CALN1: variants seen among roughly 807,000 people sequenced by gnomAD.
CALN1 encodes the protein calcium-binding protein 8.
A neutral mutation model predicts 30.6 loss-of-function variants in CALN1; 17 were observed. The ratio of observed to expected loss-of-function variants is 0.56; its 90% CI spans 0.38 to 0.83. The LOEUF is 0.83. Ranked by LOEUF, CALN1 falls within the 40% of genes least tolerant of loss-of-function variation. The pLI, the probability that CALN1 is intolerant of heterozygous loss-of-function variation, is 0.00. For synonymous variants in CALN1, 156 were observed against 131.4 expected (o/e 1.19, Z -1.28); for missense variants, 291 against 354.9 (o/e 0.82, Z 1.45).
chr7:72,062,651 T>C (rs1474155713), intron 4 of CALN1, among the ~76,000 whole-genome samples: 1 of 152,168 alleles, frequency 6.6e-6, no homozygotes, highest in Middle Eastern at 3.4e-3. Flanking sequence ...TGTTCTATGG[T>C]TGAAAACAAA....
At chr7:72,156,923 T>C (rs565187758) in intron 3 of CALN1, among the ~76,000 whole-genome samples, 1 of 152,178 alleles carries the variant, frequency 6.6e-6, no homozygotes, top group Non-Finnish European at 1.5e-5. Flanking sequence ...TGAGTGGTGA[T>C]GCTGAGTGTT....
At chr7:72,368,620 T>C (rs1019385858) in intron 2 of CALN1, among the ~76,000 whole-genome samples, 15 of 151,988 alleles carry the variant, frequency 9.9e-5, no homozygotes, top group African/African-American at 3.6e-4. Context: ...AGATATGAGC[T>C]ACAAAACCAT....
chr7:72,406,807 G>A (rs988094591), intron 1 of CALN1, among the ~76,000 whole-genome samples: 2 of 151,930 alleles, frequency 1.3e-5, no homozygotes, highest in Middle Eastern at 3.2e-3. Flanking sequence ...AGTAGAGACG[G>A]GTTTCACCAT....
intron 3 of CALN1, among the ~76,000 whole-genome samples, chr7:72,177,317 A>G (rs1231845404): frequency 6.6e-6 from 1 of 152,194 alleles, no homozygotes; most frequent in Non-Finnish European, 1.5e-5. Flanking sequence ...GTAAACAGAA[A>G]TAAGACATCC....
intron 5 of CALN1, among the ~76,000 whole-genome samples, chr7:71,994,266 C>G (rs1212237037): frequency 6.6e-6 from 1 of 152,130 alleles, no homozygotes; most frequent in African/African-American, 2.4e-5. Flanking sequence ...AATCCCAGCA[C>G]TTTGGGAGAC....
chr7:72,285,379 G>A (rs372527170), intron 2 of CALN1, among the ~76,000 whole-genome samples: 12 of 152,100 alleles, frequency 7.9e-5, no homozygotes, highest in African/African-American at 2.9e-4. Context: ...AAGTAGCTGG[G>A]ATTACAGGCG....
chr7:71,810,953 C>T (rs980504835), intron 5 of CALN1, among the ~76,000 whole-genome samples: 54 of 148,378 alleles, frequency 3.6e-4, no homozygotes, highest in Admixed American at 1.3e-3. Flanking sequence ...TGGAGTGCAG[C>T]GGCGAGATCT....
At chr7:72,333,821 C>G (rs960778472) in intron 2 of CALN1, among the ~76,000 whole-genome samples, 31 of 152,260 alleles carry the variant, frequency 2.0e-4, no homozygotes, top group East Asian at 1.9e-4. Flanking sequence ...TGCACAGACA[C>G]AGCTCCTCCT....
At chr7:71,900,057 A>G (rs1000059567) in intron 5 of CALN1, among the ~76,000 whole-genome samples, 1 of 152,232 alleles carries the variant, frequency 6.6e-6, no homozygotes, top group South Asian at 2.1e-4. Context: ...TAAATTTTTT[A>G]AACTTTATCA....
chr7:72,129,448 T>C (rs548846318), intron 3 of CALN1, among the ~76,000 whole-genome samples: 33 of 152,252 alleles, frequency 2.2e-4, no homozygotes, highest in African/African-American at 7.9e-4. Flanking sequence ...GGTGTGTGTG[T>C]GCGTTATAGA....
chr7:72,055,541 T>C (rs552518766), intron 4 of CALN1, among the ~76,000 whole-genome samples: 2 of 152,014 alleles, frequency 1.3e-5, no homozygotes, highest in African/African-American at 2.4e-5. Context: ...ATAAAACATA[T>C]GAATAATTAA....
At chr7:72,453,452 G>T in the CALN1 span, among the ~76,000 whole-genome samples, 1 of 152,206 alleles carries the variant, frequency 6.6e-6, no homozygotes, top group Non-Finnish European at 1.5e-5. Flanking sequence ...GGTAACTTCT[G>T]GATGTTGCCA....
At chr7:72,495,305 A>G in the CALN1 span, among the ~76,000 whole-genome samples, 1 of 152,096 alleles carries the variant, frequency 6.6e-6, no homozygotes, top group Non-Finnish European at 1.5e-5. Context: ...TCCAGCTCTG[A>G]CTGGTCTGTC....
intron 2 of CALN1, among the ~76,000 whole-genome samples, chr7:72,342,002 G>A (rs751770613): frequency 2.6e-5 from 4 of 151,934 alleles, no homozygotes; most frequent in African/African-American, 4.8e-5. Flanking sequence ...TTGTAATACC[G>A]ATACTTTGGA....
chr7:71,831,714 C>G (rs1789286496), intron 5 of CALN1, among the ~76,000 whole-genome samples: 1 of 150,738 alleles, frequency 6.6e-6, no homozygotes. Flanking sequence ...GGCAAAACCC[C>G]ATCTCTACAA....
intron 4 of CALN1, among the ~76,000 whole-genome samples, chr7:72,098,321 A>G (rs1403059826): frequency 6.6e-6 from 1 of 152,192 alleles, no homozygotes; most frequent in African/African-American, 2.4e-5. Context: ...GAACTGAGTT[A>G]AAGTTCCAAG....
chr7:71,995,162 A>AT (rs1158493971), intron 5 of CALN1, among the ~76,000 whole-genome samples: 2 of 151,958 alleles, frequency 1.3e-5, no homozygotes, highest in Non-Finnish European at 2.9e-5. Flanking sequence ...CCCCTTCCTA[A>AT]TTTTTTATTA....
chr7:72,283,965 G>C (rs961888844), intron 2 of CALN1, among the ~76,000 whole-genome samples: 1 of 152,168 alleles, frequency 6.6e-6, no homozygotes, highest in African/African-American at 2.4e-5. Flanking sequence ...TGTTAATGGG[G>C]TCAAGGAACT....
At chr7:72,458,091 C>A in the CALN1 span, among the ~76,000 whole-genome samples, 1 of 137,590 alleles carries the variant, frequency 7.3e-6, no homozygotes, top group Non-Finnish European at 1.6e-5. Context: ...ACAGAGTGGC[C>A]TCACAACAAA....
Sources: gnomAD v4.1 joint callset for allele counts (sites outside exome capture counted in the v4.1 genomes callset) on GRCh38, gnomAD v4.1.1 for gene constraint, MANE v1.5 for transcripts, NCBI Gene and HGNC (gene_info 2026-07-23, HGNC 2026-07-21) for gene names.